The following DSG3 variants were observed in gnomAD, a reference collection of about 807,000 sequenced individuals.
The protein encoded by DSG3 is desmoglein-3.
Under a neutral mutation model 85.9 loss-of-function variants are expected in DSG3, and 63 were observed. The observed-to-expected ratio is 0.73, with a 90% CI of 0.60 to 0.90. DSG3 has a LOEUF of 0.90. Ranked by LOEUF, DSG3 falls within the 40% of genes least tolerant of loss-of-function variation. The pLI is 0.00. For synonymous variants in DSG3, 447 were observed against 441.9 expected (o/e 1.01, Z -0.14); for missense variants, 1,220 against 1,219.9 (o/e 1.00, Z 0.00).
chr18:31,451,084 G>A (rs61567349), intron 1 of DSG3, among the ~76,000 whole-genome samples: 43,257 of 151,944 alleles, frequency 0.28, 7,121 homozygotes, highest in African/African-American at 0.47. Flanking sequence ...AAAAAAATGT[G>A]GTATTTATCA....
At chr18:31,462,917 C>T (rs936111774) in intron 8 of DSG3, among the ~76,000 whole-genome samples, 4 of 152,162 alleles carry the variant, frequency 2.6e-5, no homozygotes, top group Non-Finnish European at 4.4e-5. Flanking sequence ...ATGAAGCTGG[C>T]CTTCAACCCT....
Position 31,476,420 on chromosome 18 carries a change from C to G in DSG3, c.*160C>G. ...TATAAATTAAATGTTTGGGTTCATACCCCAAAAGCAATATGTTGTCACTCC... is the reference window on the plus strand; with the variant it reads ...TATAAATTAAATGTTTGGGTTCATAGCCCAAAAGCAATATGTTGTCACTCC... On this transcript the variant is annotated 3_prime_UTR_variant, in exon 16 of 16. Transcript: ENST00000257189. The G allele has an allele frequency of 1.3e-6, 1 of 768,130 alleles. No homozygotes were observed. The highest frequency in any genetic ancestry group is 2.8e-5 in the East Asian group (1 of 36,102). The allele number at this position is 768,130 out of a possible 1,614,324, so 47.6% of individuals were successfully genotyped here.
chr18:31,471,129 A>G (rs1369863803), intron 12 of DSG3, among the ~76,000 whole-genome samples: 1 of 152,230 alleles, frequency 6.6e-6, no homozygotes, highest in Non-Finnish European at 1.5e-5. Context: ...GATGAAGGTC[A>G]GATTTCGAGC....
intron 8 of DSG3, among the ~76,000 whole-genome samples, chr18:31,463,707 C>A (rs557903994): frequency 1.1e-4 from 16 of 152,232 alleles, no homozygotes; most frequent in South Asian, 6.2e-4. Context: ...TCACTACACC[C>A]TGATGAGGTA....
Position 31,456,445 on chromosome 18 carries a change from C to A in DSG3, c.54C>A (p.Val18=). Residue 18 remains valine, a synonymous_variant, in exon 2 of 16, where the codon GTC becomes GTA. Transcript: ENST00000257189. ...TTGALAIFVV[V]ILVHGELRIE... ...CTTTATTTAAATGTCTGCAGGTGGT[C>A]ATATTGGTTCATGGAGAATTGCGAA... is the stretch of plus-strand genomic sequence containing the variant. 2 of 1,349,016 alleles carry A rather than the reference C, an allele frequency of 1.5e-6. No homozygotes were observed. The highest frequency in any genetic ancestry group is 5.3e-5 in the South Asian group (2 of 37,848). 83.6% of individuals were successfully genotyped at this position (1,349,016 alleles called of 1,614,324 possible).
intron 1 of DSG3, among the ~76,000 whole-genome samples, chr18:31,450,503 T>G (rs2072705146): frequency 1.3e-5 from 2 of 152,190 alleles, no homozygotes; most frequent in African/African-American, 2.4e-5. Flanking sequence ...AAGCAATGTT[T>G]TCTAAAGCAT....
At chr18:31,462,015 G>C (rs775767247) in intron 8 of DSG3, among the ~76,000 whole-genome samples, 1 of 151,848 alleles carries the variant, frequency 6.6e-6, no homozygotes, top group African/African-American at 2.4e-5. Flanking sequence ...TTGGTTTTTC[G>C]TTTGGTTGGT....
Position 31,466,716 on chromosome 18 carries a change from T to C in DSG3, c.1598T>C (p.Val533Ala). Residue 533 changes from valine to alanine, a missense_variant, in exon 11 of 16, where the codon GTA (valine) becomes GCA (alanine). Transcript: ENST00000257189. The part of the protein sequence containing the change: ...PYTFALEDQP[V>A]KLPAVWSITT... ...ACATTTGCACTGGAAGATCAACCTGTAAAGTTGCCTGCCGTATGGAGTATC... is the reference window on the plus strand; with the variant it reads ...ACATTTGCACTGGAAGATCAACCTGCAAAGTTGCCTGCCGTATGGAGTATC... 1 of 1,614,198 alleles carries C rather than the reference T, an allele frequency of 6.2e-7. No homozygotes were observed. The highest frequency in any genetic ancestry group is 1.3e-5 in the African/African-American group (1 of 75,070).
intron 12 of DSG3, among the ~76,000 whole-genome samples, chr18:31,471,482 T>C (rs2072855090): frequency 6.6e-6 from 1 of 152,152 alleles, no homozygotes; most frequent in Non-Finnish European, 1.5e-5. Flanking sequence ...GGCTGCATGC[T>C]TAAACCCCTC....
intron 1 of DSG3, among the ~76,000 whole-genome samples, chr18:31,451,712 C>G (rs879660252): frequency 2.6e-5 from 4 of 152,168 alleles, no homozygotes; most frequent in Non-Finnish European, 4.4e-5. Context: ...ATGGTTCTTC[C>G]AGCCCTGCCT....
chr18:31,473,206 ATGTGCACATCCT>A (rs2072866456), intron 14 of DSG3, among the ~76,000 whole-genome samples: 1 of 152,204 alleles, frequency 6.6e-6, no homozygotes, highest in Non-Finnish European at 1.5e-5. Context: ...TTAAAGTCTC[ATGTGCACATCCT>A]TGATCCTGTT....
In DSG3 at chr18:31,474,209, A is replaced by C; in HGVS notation, c.2190A>C (p.Glu730Asp). 6.2e-7 allele frequency: 1 copy of C among 1,614,208 alleles called. No individual in the cohort carries two copies. The stretch of plus-strand genomic sequence containing the variant: ...CCACTAAGCTTGGAGCAGCCACTGA[A>C]TCTGGAGGTGCTGCAGGCTTTGCAA... ...EMTTKLGAAT[E>D]SGGAAGFATG... The change falls in exon 15 of 16, where the codon GAA (glutamate) becomes GAC (aspartate). Residue 730 changes from glutamate to aspartate, a missense_variant. Physicochemically the swap from Glu to Asp is conservative, Grantham distance 45. Transcript: ENST00000257189.
intron 3 of DSG3, 107 bp downstream of exon 3, chr18:31,457,231 C>A: frequency 1.8e-6 from 2 of 1,101,850 alleles, no homozygotes; most frequent in Non-Finnish European, 2.5e-6. Context: ...GGGGAGTCCA[C>A]AGAACAAGTG....
Position 31,464,182 on chromosome 18 carries a change from A to G in DSG3, c.1071A>G (p.Gln357=). Residue 357 remains glutamine (Q), a synonymous_variant, in exon 9 of 16, where the codon CAA becomes CAG. Transcript: ENST00000257189. ...TCAAAAACAAAGCTGAATTTCACCAATCAGTTATCTCTCGATACCGAGTTC... is the reference window on the plus strand; with the variant it reads ...TCAAAAACAAAGCTGAATTTCACCAGTCAGTTATCTCTCGATACCGAGTTC... ...IAVKNKAEFH[Q]SVISRYRVQS... 4 of 1,614,146 alleles carry G rather than the reference A, an allele frequency of 2.5e-6. No individual in the cohort carries two copies. The highest frequency in any genetic ancestry group is 3.4e-6 in the Non-Finnish European group (4 of 1,180,008).
rs777780575 is a variant in DSG3 at position 31,461,237 on chromosome 18, G to A, written c.824G>A (p.Arg275His). ...PMFRDSQYSA[R>H]IEENILSSEL... is the part of the protein sequence containing the mutation. ...TTCTCGCCTTTTCAGTATTCAGCAC[G>A]TATTGAAGAAAATATTTTAAGTTCT... Residue 275 changes from arginine to histidine, a missense_variant, in exon 8 of 16, where the codon CGT (arginine) becomes CAT (histidine). Coordinates refer to ENST00000257189, the MANE Select transcript of DSG3 (RefSeq NM_001944.3). The A allele has an allele frequency of 3.2e-5, 52 of 1,612,368 alleles. No individual in the cohort carries two copies. Among genetic ancestry groups the A allele is most frequent in the Non-Finnish European group, 3.8e-5 (45 of 1,179,280 alleles).
intron 15 of DSG3, among the ~76,000 whole-genome samples, chr18:31,475,235 T>C (rs1171828499): frequency 3.9e-5 from 6 of 152,224 alleles, no homozygotes; most frequent in Non-Finnish European, 4.4e-5. Context: ...CATTGAGTTT[T>C]GGTATCAATA....
Position 31,469,215 on chromosome 18 carries a change from A to G in DSG3, c.1763A>G (p.Gln588Arg). 6.2e-7 allele frequency: 1 copy of G among 1,614,240 alleles called. No homozygotes were observed. Among genetic ancestry groups the G allele is most frequent in the Middle Eastern group, 1.6e-4 (1 of 6,062 alleles). ...MPRSLTLEVC[Q>R]CDNRGICGTS... ...CGCAGCTTGACACTGGAAGTCTGTCAGTGTGACAACAGGGGCATCTGTGGA... is the reference window on the plus strand; with the variant it reads ...CGCAGCTTGACACTGGAAGTCTGTCGGTGTGACAACAGGGGCATCTGTGGA... Residue 588 changes from glutamine to arginine, a missense_variant, in exon 12 of 16, where the codon CAG (glutamine) becomes CGG (arginine). Transcript: ENST00000257189.
chr18:31,466,800 G>C (rs763332270), intron 11 of DSG3, 46 bp downstream of exon 11: 2 of 1,517,246 alleles, frequency 1.3e-6, no homozygotes, highest in Non-Finnish European at 1.8e-6. Context: ...CTGCTCCTTT[G>C]TATTTCCAGA....
chr18:31,471,004 C>G (rs2072852025), intron 12 of DSG3, among the ~76,000 whole-genome samples: 1 of 152,176 alleles, frequency 6.6e-6, no homozygotes, highest in Admixed American at 6.5e-5. Flanking sequence ...AAAAGACTAA[C>G]ATGATCATAT....
Sources: gnomAD v4.1 joint callset for allele counts (sites outside exome capture counted in the v4.1 genomes callset) on GRCh38, gnomAD v4.1.1 for gene constraint, MANE v1.5 for transcripts, NCBI Gene and HGNC (gene_info 2026-07-23, HGNC 2026-07-21) for gene names.